IKZF3: variants seen among roughly 807,000 people sequenced by gnomAD.
The protein encoded by IKZF3 is IKAROS family zinc finger 3.
Under a neutral mutation model 49.0 loss-of-function variants are expected in IKZF3, and 10 were observed. That is an observed-to-expected ratio of 0.20 (90% confidence interval 0.13 to 0.35). The LOEUF is 0.35. Ranked by LOEUF, IKZF3 falls within the 10% of genes least tolerant of loss-of-function variation. The pLI, the probability that IKZF3 is intolerant of heterozygous loss-of-function variation, is 1.00. For missense variants in IKZF3, 498 were observed against 664.8 expected (o/e 0.75, Z 2.76); for synonymous variants, 209 against 228.2 (o/e 0.92, Z 0.76).
At chr17:39,828,337 A>T (rs959304503) in intron 3 of IKZF3, among the ~76,000 whole-genome samples, 2 of 152,200 alleles carry the variant, frequency 1.3e-5, no homozygotes, top group African/African-American at 4.8e-5. Context: ...ATGGGAGTTG[A>T]CTGAGGGAGA....
At chr17:39,841,113 G>A (rs2062452612) in intron 1 of IKZF3, among the ~76,000 whole-genome samples, 1 of 152,046 alleles carries the variant, frequency 6.6e-6, no homozygotes, top group Non-Finnish European at 1.5e-5. Context: ...GGAAGTCGAG[G>A]CTGCAGTGAG....
chr17:39,841,365 TGAG>T (rs763247891), intron 1 of IKZF3, among the ~76,000 whole-genome samples: 2 of 151,972 alleles, frequency 1.3e-5, no homozygotes, highest in Non-Finnish European at 2.9e-5. Flanking sequence ...CTAAATGGAA[TGAG>T]GAGAACTTCA....
intron 1 of IKZF3, chr17:39,839,275 T>C: frequency 2.5e-6 from 1 of 398,280 alleles, no homozygotes; most frequent in Non-Finnish European, 4.6e-6. Context: ...CATGTTCAAC[T>C]CTCCAGACAG....
At chr17:39,829,627 A>C (rs2062054629) in intron 2 of IKZF3, 139 bp from the exon 3 acceptor site, 11 of 609,148 alleles carry the variant, frequency 1.8e-5, no homozygotes, top group Non-Finnish European at 3.2e-5. Context: ...ACATACCCAA[A>C]AGGGATGTAT....
chr17:39,800,183 T>C (rs137959956), intron 3 of IKZF3, among the ~76,000 whole-genome samples: 50 of 152,352 alleles, frequency 3.3e-4, no homozygotes, highest in African/African-American at 1.1e-3. Context: ...AATAATCTCA[T>C]GTTTTGGTTT....
intron 5 of IKZF3, among the ~76,000 whole-genome samples, chr17:39,791,165 G>A (rs2061010453): frequency 6.6e-6 from 1 of 151,990 alleles, no homozygotes; most frequent in Admixed American, 6.6e-5. Context: ...TATAGGGTGG[G>A]CTCTTCCTAT....
chr17:39,830,189 G>A (rs1280084019), intron 2 of IKZF3, among the ~76,000 whole-genome samples: 1 of 152,212 alleles, frequency 6.6e-6, no homozygotes, highest in African/African-American at 2.4e-5. Context: ...ATTTGGGAAA[G>A]ATGCTTTCCT....
intron 6 of IKZF3, among the ~76,000 whole-genome samples, chr17:39,779,594 A>G (rs1277078349): frequency 2.7e-4 from 41 of 151,942 alleles, no homozygotes; most frequent in Non-Finnish European, 7.4e-5. Context: ...AGGGCCAGAC[A>G]GTAAATTTTA....
intron 7 of IKZF3, among the ~76,000 whole-genome samples, chr17:39,767,753 A>G (rs906785602): frequency 2.6e-5 from 4 of 152,068 alleles, no homozygotes; most frequent in African/African-American, 9.7e-5. Flanking sequence ...TATATATAGA[A>G]CTCGAGAAAA....
chr17:39,835,535 C>A, intron 1 of IKZF3: 1 of 433,208 alleles, frequency 2.3e-6, no homozygotes, highest in South Asian at 1.7e-5. Flanking sequence ...CAGGCAGGGT[C>A]TGCAGCTCCT....
At chr17:39,830,922 A>G (rs993492012) in intron 2 of IKZF3, among the ~76,000 whole-genome samples, 2 of 152,228 alleles carry the variant, frequency 1.3e-5, no homozygotes, top group Non-Finnish European at 2.9e-5. Flanking sequence ...CCATGGACTC[A>G]GTGTTTGATT....
rs183631667 is a variant in IKZF3, at chr17:39,848,973, G to A, written c.7+15147C>T. ...GGTAGGATTACAGGTGGGAGCCAAC[G>A]TGCCTGGCAAAGAATTCTTTAGCAA... On this transcript the variant is annotated intron_variant, in intron 1 of 7. Transcript: ENST00000346872. 5.2e-3 allele frequency among the ~76,000 whole-genome samples: 786 copies of A among 152,240 alleles called. 7 individuals are homozygous for A. The highest frequency in any genetic ancestry group is 0.018 in the African/African-American group (744 of 41,532).
intron 1 of IKZF3, chr17:39,835,483 G>A (rs1433286563): frequency 4.5e-6 from 2 of 445,842 alleles, no homozygotes; most frequent in Non-Finnish European, 8.9e-6. Context: ...GTTTATCTTG[G>A]AGATCTCCGT....
chr17:39,789,079 A>C (rs2060944625), intron 5 of IKZF3, among the ~76,000 whole-genome samples: 1 of 152,130 alleles, frequency 6.6e-6, no homozygotes, highest in African/African-American at 2.4e-5. Context: ...GGCCTCCCAA[A>C]GTGAGAGGCT....
At chr17:39,825,428 T>C (rs1364131652) in intron 3 of IKZF3, among the ~76,000 whole-genome samples, 2 of 152,160 alleles carry the variant, frequency 1.3e-5, no homozygotes, top group Non-Finnish European at 2.9e-5. Context: ...GGAAAAACCT[T>C]AGGTCAGAGC....
intron 1 of IKZF3, among the ~76,000 whole-genome samples, chr17:39,842,224 G>A (rs1344196195): frequency 3.3e-5 from 5 of 151,992 alleles, no homozygotes; most frequent in Admixed American, 3.3e-4. Context: ...CTGAAGAAAT[G>A]GTTTACTCCA....
chr17:39,829,078 T>G lies in IKZF3; in HGVS notation c.163+309A>C, dbSNP rs573123758. ...TCGGAAAACCAGAAAATTGGTTTGT[T>G]GGTGTCAGAAAACACCCCAGACAAA... is the stretch of plus-strand genomic sequence containing the variant. On this transcript the variant is annotated intron_variant, in intron 3 of 7. Transcript: ENST00000346872. Among the ~76,000 whole-genome samples the G allele has an allele frequency of 3.9e-5, 6 of 152,338 alleles. No individual in the cohort carries two copies. In the South Asian group the frequency reaches 1.2e-3, roughly 32 times the overall value.
At chr17:39,773,918 G>A (rs927275856) in intron 7 of IKZF3, among the ~76,000 whole-genome samples, 3 of 150,076 alleles carry the variant, frequency 2.0e-5, no homozygotes, top group African/African-American at 7.4e-5. Flanking sequence ...ACAATGTAAA[G>A]ATGGTGATTC....
At chr17:39,820,435 G>T (rs1425779279) in intron 3 of IKZF3, among the ~76,000 whole-genome samples, 2 of 152,162 alleles carry the variant, frequency 1.3e-5, no homozygotes, top group African/African-American at 4.8e-5. Flanking sequence ...TGCTATTAGA[G>T]ACTATCTTTG....
Sources: allele counts gnomAD v4.1 joint callset (sites outside exome capture counted in the v4.1 genomes callset), GRCh38; gene constraint gnomAD v4.1.1; transcripts MANE v1.5; gene names NCBI Gene and HGNC (gene_info 2026-07-23, HGNC 2026-07-21).